The following TSPAN18 variants were observed in gnomAD, a reference collection of about 807,000 sequenced individuals.
TSPAN18 encodes tetraspanin-18.
Under a neutral mutation model 27.3 loss-of-function variants are expected in TSPAN18, and 14 were observed. The observed-to-expected ratio is 0.51, with a 90% confidence interval of 0.34 to 0.80. The LOEUF is 0.80. Among genes scored for constraint, TSPAN18 ranks in the 30% least tolerant of loss-of-function variants. The pLI, the probability that TSPAN18 is intolerant of heterozygous loss-of-function variation, is 0.01. For missense variants in TSPAN18, 268 were observed against 323.9 expected, an observed-to-expected ratio of 0.83 and a Z score of 1.32; for synonymous variants, 143 against 136.5, an observed-to-expected ratio of 1.05 and a Z score of -0.33.
intron 2 of TSPAN18, among the ~76,000 whole-genome samples, chr11:44,846,406 G>A (rs1408474521): frequency 3.3e-5 from 5 of 152,246 alleles, no homozygotes; most frequent in Non-Finnish European, 7.3e-5. Flanking sequence ...CCTGTGCAGT[G>A]ATGGGGGAGG....
intron 3 of TSPAN18, among the ~76,000 whole-genome samples, chr11:44,891,316 T>C (rs1858843566): frequency 6.6e-6 from 1 of 152,076 alleles, no homozygotes; most frequent in African/African-American, 2.4e-5. Context: ...AGGGGCTAGG[T>C]GCTGGGCTTT....
At chr11:44,924,131 G>C (rs1246288762) in intron 8 of TSPAN18, among the ~76,000 whole-genome samples, 1 of 141,226 alleles carries the variant, frequency 7.1e-6, no homozygotes, top group Admixed American at 7.2e-5. Flanking sequence ...GTGTGTGTGT[G>C]ATTATATTGC....
At chr11:44,835,650 G>C (rs1241450413) in intron 2 of TSPAN18, among the ~76,000 whole-genome samples, 1 of 151,994 alleles carries the variant, frequency 6.6e-6, no homozygotes, top group Non-Finnish European at 1.5e-5. Context: ...GATAGGGGGC[G>C]GTGGTAGCAA....
intron 2 of TSPAN18, among the ~76,000 whole-genome samples, chr11:44,809,880 T>G (rs908265824): frequency 2.0e-5 from 3 of 152,218 alleles, no homozygotes; most frequent in African/African-American, 7.2e-5. Flanking sequence ...TTAATGCATC[T>G]TATATTGTCA....
At chr11:44,924,466 C>T (rs1860271146) in intron 8 of TSPAN18, among the ~76,000 whole-genome samples, 2 of 152,128 alleles carry the variant, frequency 1.3e-5, no homozygotes, top group Non-Finnish European at 2.9e-5. Context: ...GGACCATTGC[C>T]AGATACCACT....
intron 2 of TSPAN18, among the ~76,000 whole-genome samples, chr11:44,853,946 G>A (rs16938106): frequency 0.044 from 6,680 of 152,186 alleles, 471 homozygotes; most frequent in African/African-American, 0.15. Flanking sequence ...AAAAATTGCT[G>A]CCCATTATAC....
chr11:44,869,131 A>T (rs548713997), intron 3 of TSPAN18, among the ~76,000 whole-genome samples: 1 of 152,298 alleles, frequency 6.6e-6, no homozygotes, highest in East Asian at 1.9e-4. Flanking sequence ...GAAGAAAGTG[A>T]TCAGCAAGGA....
intron 1 of TSPAN18, among the ~76,000 whole-genome samples, chr11:44,730,442 GA>G (rs1424988832): frequency 6.6e-6 from 1 of 152,096 alleles, no homozygotes; most frequent in Non-Finnish European, 1.5e-5. Context: ...GCAGCACAGG[GA>G]GGGGGCCTTG....
At chr11:44,813,363 G>A (rs948005463) in intron 2 of TSPAN18, among the ~76,000 whole-genome samples, 4 of 152,192 alleles carry the variant, frequency 2.6e-5, no homozygotes, top group Non-Finnish European at 4.4e-5. Context: ...TCTGAGTCTT[G>A]GTTTCCAGAG....
intron 3 of TSPAN18, among the ~76,000 whole-genome samples, chr11:44,889,060 C>A (rs576998177): frequency 6.6e-6 from 1 of 152,236 alleles, no homozygotes; most frequent in Admixed American, 6.5e-5. Flanking sequence ...TGAAGAGGTG[C>A]CTTCCGCCAT....
chr11:44,793,539 C>T (rs554754525), intron 2 of TSPAN18, among the ~76,000 whole-genome samples: 51 of 152,210 alleles, frequency 3.4e-4, no homozygotes, highest in African/African-American at 1.1e-3. Flanking sequence ...CGTTGCTACA[C>T]GGAGCTCACC....
At chr11:44,906,550 A>C in intron 4 of TSPAN18, 71 bp downstream of exon 4, 1 of 1,418,818 alleles carries the variant, frequency 7.0e-7, no homozygotes, top group Non-Finnish European at 1.0e-6. Context: ...AAATAGTCAC[A>C]CTGGGCTGAG....
chr11:44,735,409 G>C (rs1225805571), intron 1 of TSPAN18, among the ~76,000 whole-genome samples: 1 of 152,226 alleles, frequency 6.6e-6, no homozygotes, highest in African/African-American at 2.4e-5. Context: ...TGCAGACAAG[G>C]TGTTGGCAGG....
chr11:44,737,102 G>C (rs1019013713), intron 1 of TSPAN18, among the ~76,000 whole-genome samples: 4 of 152,198 alleles, frequency 2.6e-5, no homozygotes, highest in African/African-American at 9.6e-5. Flanking sequence ...CTTAGCTATA[G>C]CTTCTTTGGG....
At chr11:44,903,963 G>A (rs771833228) in intron 3 of TSPAN18, 103 of 438,832 alleles carry the variant, frequency 2.3e-4, no homozygotes, top group African/African-American at 7.3e-4. Context: ...GTATCAGGAC[G>A]GAGCTGGCAC....
intron 4 of TSPAN18, among the ~76,000 whole-genome samples, chr11:44,909,097 T>C (rs889615653): frequency 1.3e-5 from 2 of 152,174 alleles, no homozygotes; most frequent in African/African-American, 4.8e-5. Context: ...TTTTGAGCTA[T>C]GGATTTGAGA....
intron 2 of TSPAN18, among the ~76,000 whole-genome samples, chr11:44,775,787 G>A (rs1414184945): frequency 1.3e-5 from 2 of 152,158 alleles, no homozygotes; most frequent in African/African-American, 4.8e-5. Context: ...CTCCATCAAT[G>A]AATTTATTTT....
chr11:44,919,913 T>G lies in TSPAN18; in HGVS notation c.529T>G (p.Cys177Gly), dbSNP rs1196805656. 3 of 1,614,200 alleles carry G rather than the reference T, an allele frequency of 1.9e-6. No individual in the cohort carries two copies. The highest frequency in any genetic ancestry group is 2.5e-6 in the Non-Finnish European group (3 of 1,180,026). Reference sequence around the variant, plus strand: ...TAGTGAAGAGGTGCCGGAGGCCTGCTGCCGGAGGGAACCCCAAAGTCGGGA... The same window carrying G: ...TAGTGAAGAGGTGCCGGAGGCCTGCGGCCGGAGGGAACCCCAAAGTCGGGA... Reference protein sequence around the residue: ...LDSEEVPEACCRREPQSRDGV... With the variant: ...LDSEEVPEACGRREPQSRDGV... Residue 177 changes from cysteine to glycine, a missense_variant, in exon 8 of 10, where the codon TGC (cysteine) becomes GGC (glycine). Coordinates refer to ENST00000520358, the MANE Select transcript of TSPAN18 (RefSeq NM_130783.5).
At chr11:44,909,640 G>C in intron 4 of TSPAN18, 65 bp from the exon 5 acceptor site, 1 of 1,538,306 alleles carries the variant, frequency 6.5e-7, no homozygotes, top group South Asian at 1.2e-5. Context: ...GGAGTGGTGG[G>C]TCAGAAGTGC....
Sources: allele counts gnomAD v4.1 joint callset (sites outside exome capture counted in the v4.1 genomes callset), GRCh38; gene constraint gnomAD v4.1.1; transcripts MANE v1.5; gene names NCBI Gene and HGNC (gene_info 2026-07-23, HGNC 2026-07-21).